Variants in BCO1 observed in about 807,000 individuals in gnomAD.
BCO1 encodes beta,beta-carotene 15,15'-dioxygenase.
BCO1 carries 54 observed loss-of-function variants against 56.3 expected under a neutral mutation model. The ratio of observed to expected loss-of-function variants is 0.96; its 90% CI spans 0.77 to 1.20. The LOEUF (loss-of-function observed/expected upper bound fraction) is 1.20, where lower values mean the gene tolerates loss of function less well. BCO1 is among the 50% of genes most tolerant of loss of function. The pLI is 0.00. For missense variants in BCO1, 801 were observed against 690.9 expected, an observed-to-expected ratio of 1.16 and a Z score of -1.79; for synonymous variants, 318 against 266.1, an observed-to-expected ratio of 1.20 and a Z score of -1.90.
At chr16:81,284,950 C>T (rs1908092164) in intron 8 of BCO1, among the ~76,000 whole-genome samples, 1 of 151,688 alleles carries the variant, frequency 6.6e-6, no homozygotes, top group African/African-American at 2.4e-5. Flanking sequence ...GATTCTCCTG[C>T]CTCAGCCTCC....
At chr16:81,281,963 C>T (rs939388856) in intron 8 of BCO1, among the ~76,000 whole-genome samples, 1 of 152,216 alleles carries the variant, frequency 6.6e-6, no homozygotes, top group African/African-American at 2.4e-5. Context: ...GTGCTCACAG[C>T]GTATCAGCAG....
intron 8 of BCO1, among the ~76,000 whole-genome samples, chr16:81,283,150 C>G (rs1478963689): frequency 1.3e-5 from 2 of 152,138 alleles, no homozygotes; most frequent in South Asian, 4.1e-4. Flanking sequence ...GAAGCTGCCT[C>G]TTGCACTTAA....
At chr16:81,241,731 A>C (rs768805916) in intron 1 of BCO1, among the ~76,000 whole-genome samples, 2 of 152,184 alleles carry the variant, frequency 1.3e-5, no homozygotes, top group Admixed American at 1.3e-4. Flanking sequence ...CCTGCAGAGA[A>C]CAGGCCTCCT....
At chr16:81,239,883 G>A (rs1281268924) in intron 1 of BCO1, among the ~76,000 whole-genome samples, 19 of 151,982 alleles carry the variant, frequency 1.3e-4, no homozygotes, top group African/African-American at 4.6e-4. Flanking sequence ...CTGGACTCCC[G>A]GGTCCCCAGA....
At chr16:81,281,085 G>A in intron 8 of BCO1, 123 bp downstream of exon 8, 1 of 725,032 alleles carries the variant, frequency 1.4e-6, no homozygotes, top group East Asian at 2.7e-5. Flanking sequence ...AAAGGGTCTT[G>A]GGATGCCCTG....
chr16:81,240,802 G>T (rs1481717331), intron 1 of BCO1, among the ~76,000 whole-genome samples: 5 of 150,950 alleles, frequency 3.3e-5, no homozygotes, highest in Non-Finnish European at 3.0e-5. Context: ...AATAATCGCG[G>T]TTTTTGCCAT....
At chr16:81,276,690 A>C (rs1243081160) in intron 7 of BCO1, among the ~76,000 whole-genome samples, 1 of 152,218 alleles carries the variant, frequency 6.6e-6, no homozygotes, top group Non-Finnish European at 1.5e-5. Context: ...GTAGCTACTA[A>C]CTACGAGTTG....
chr16:81,275,792 C>T (rs1172879612), intron 7 of BCO1, among the ~76,000 whole-genome samples: 1 of 152,254 alleles, frequency 6.6e-6, no homozygotes, highest in Non-Finnish European at 1.5e-5. Context: ...CTGAATGTCC[C>T]AGATTCTCTT....
At chr16:81,273,718 C>T (rs977380274) in intron 7 of BCO1, among the ~76,000 whole-genome samples, 2 of 151,318 alleles carry the variant, frequency 1.3e-5, no homozygotes, top group Non-Finnish European at 2.9e-5. Context: ...CAGTAGAAAG[C>T]TGGCAATGCT....
At chr16:81,284,299 T>G (rs1009980026) in intron 8 of BCO1, among the ~76,000 whole-genome samples, 1 of 113,628 alleles carries the variant, frequency 8.8e-6, no homozygotes, top group Non-Finnish European at 1.9e-5. Flanking sequence ...TATTTATATA[T>G]ACACACACAT....
At chr16:81,279,234 A>G (rs1039141954) in intron 7 of BCO1, among the ~76,000 whole-genome samples, 8 of 152,212 alleles carry the variant, frequency 5.3e-5, no homozygotes, top group South Asian at 2.1e-4. Flanking sequence ...AGCTGTCATC[A>G]CACTACTGTA....
At chr16:81,251,779 G>GC in intron 2 of BCO1, among the ~76,000 whole-genome samples, 1 of 151,058 alleles carries the variant, frequency 6.6e-6, no homozygotes. Context: ...AAATTAACAG[G>GC]CAAAGTCATT....
At chr16:81,244,487 A>G (rs948623606) in intron 1 of BCO1, among the ~76,000 whole-genome samples, 2 of 151,774 alleles carry the variant, frequency 1.3e-5, no homozygotes, top group African/African-American at 4.8e-5. Flanking sequence ...CTTATAGCAC[A>G]TGTCATTTCA....
chr16:81,257,106 C>A (rs1330834067), intron 2 of BCO1, among the ~76,000 whole-genome samples: 1 of 152,130 alleles, frequency 6.6e-6, no homozygotes, highest in East Asian at 1.9e-4. Flanking sequence ...CTCTCCCCAG[C>A]ATATTGCAGT....
Position 81,290,332 on chromosome 16 carries a change from TTC to T in BCO1, c.1415-14_1415-13del, listed in dbSNP as rs1908392884. Reference sequence around the variant, plus strand: ...CCTGCACTTTTACGAAGTGTTTTTTTTCTGTTTCCCTAAAGGAGTAATCTTAT... The same window carrying T: ...CCTGCACTTTTACGAAGTGTTTTTTTTGTTTCCCTAAAGGAGTAATCTTAT... On this transcript the variant is annotated splice_polypyrimidine_tract_variant and intron_variant, in intron 10 of 10. Transcript: ENST00000258168. The T allele has an allele frequency of 6.2e-7, 1 of 1,603,656 alleles. No individual in the cohort carries two copies. The highest frequency in any genetic ancestry group is 2.2e-5 in the East Asian group (1 of 44,846).
chr16:81,281,937 C>T (rs1271820106), intron 8 of BCO1, among the ~76,000 whole-genome samples: 7 of 152,352 alleles, frequency 4.6e-5, no homozygotes, highest in South Asian at 2.1e-4. Context: ...GCCCGTGAGG[C>T]GAGAATTGTG....
chr16:81,266,828 C>T (rs1906858741), intron 5 of BCO1, among the ~76,000 whole-genome samples: 1 of 152,184 alleles, frequency 6.6e-6, no homozygotes, highest in Admixed American at 6.5e-5. Flanking sequence ...TCCTCCCAGG[C>T]CACAGTGCTT....
At chr16:81,242,204 T>A (rs1271342408) in intron 1 of BCO1, among the ~76,000 whole-genome samples, 1 of 146,076 alleles carries the variant, frequency 6.8e-6, no homozygotes, top group Non-Finnish European at 1.5e-5. Flanking sequence ...TTTTTTTTTT[T>A]TTTTTTTTTT....
Position 81,262,514 on chromosome 16 carries a change from T to G in BCO1, c.471+231T>G. The G allele has an allele frequency of 7.6e-6, 4 of 529,672 alleles. No homozygotes were observed. The Admixed American group carries it at 1.2e-4, about 15-fold the overall frequency. 32.8% of individuals were successfully genotyped at this position (529,672 alleles called of 1,614,324 possible). A position where few individuals can be genotyped will look rare whatever the true frequency, so the allele number is the denominator to read the frequency against. On this transcript the variant is annotated intron_variant, in intron 4 of 10. Transcript: ENST00000258168. ...TCCTGGGGCTGATGTAACCAAGTCCTACAAAAAAGATTGCTTTAAACAACA... is the reference window on the plus strand; with the variant it reads ...TCCTGGGGCTGATGTAACCAAGTCCGACAAAAAAGATTGCTTTAAACAACA...
Sources: gnomAD v4.1 joint callset for allele counts (sites outside exome capture counted in the v4.1 genomes callset) on GRCh38, gnomAD v4.1.1 for gene constraint, MANE v1.5 for transcripts, NCBI Gene and HGNC (gene_info 2026-07-23, HGNC 2026-07-21) for gene names.